PCDH11X: variants seen among roughly 807,000 people sequenced by gnomAD.
The protein encoded by PCDH11X is protocadherin-11 X-linked.
In PCDH11X, 18 loss-of-function variants were observed where a neutral mutation model predicts 53.3. That is an observed-to-expected ratio of 0.34 (90% confidence interval 0.23 to 0.50). The LOEUF is 0.50. Among genes scored for constraint, PCDH11X ranks in the 20% least tolerant of loss-of-function variants. The pLI is 0.98. For synonymous variants in PCDH11X, 279 were observed against 393.3 expected, an observed-to-expected ratio of 0.71 and a Z score of 3.44; for missense variants, 570 against 1,032.4, an observed-to-expected ratio of 0.55 and a Z score of 6.14.
chrX:92,243,256 A>G (rs1449748334), intron 7 of PCDH11X, among the ~76,000 whole-genome samples: 1 of 112,061 alleles, frequency 8.9e-6, no homozygotes, highest in African/African-American at 3.2e-5. Flanking sequence ...TTAATTTTTG[A>G]ATTAAATTTT....
intron 6 of PCDH11X, among the ~76,000 whole-genome samples, chrX:92,199,168 C>T (rs916673188): frequency 3.6e-5 from 4 of 111,779 alleles, no homozygotes; most frequent in African/African-American, 1.3e-4. Flanking sequence ...ATCTCTAACT[C>T]AGGAATAATA....
chrX:92,606,076 A>C (rs1210154545), intron 10 of PCDH11X, among the ~76,000 whole-genome samples: 1 of 108,589 alleles, frequency 9.2e-6, no homozygotes, highest in East Asian at 2.9e-4. Context: ...TACTAAAAAT[A>C]CAAAATTAGC....
chrX:91,900,663 G>A (rs773833352), intron 6 of PCDH11X, among the ~76,000 whole-genome samples: 2 of 109,774 alleles, frequency 1.8e-5, no homozygotes, highest in Admixed American at 9.8e-5. Context: ...GAAATGATGG[G>A]CCTTTGATTA....
At chrX:92,126,274 A>G (rs1196004914) in intron 6 of PCDH11X, among the ~76,000 whole-genome samples, 1 of 111,876 alleles carries the variant, frequency 8.9e-6, no homozygotes, top group African/African-American at 3.3e-5. Context: ...TGTTTAATAC[A>G]TCATGACAGT....
chrX:91,877,840 G>A lies in PCDH11X; in HGVS notation c.1600G>A (p.Asp534Asn), dbSNP rs1302079563. 1.7e-6 allele frequency: 2 copies of A among 1,211,266 alleles called. No homozygotes were observed. The highest frequency in any genetic ancestry group is 1.8e-5 in the South Asian group (1 of 56,946). The stretch of plus-strand genomic sequence containing the variant: ...GAAGAAACTAGATAGAGAAAAAGAG[G>A]ATAAATATTTATTCACAATTCTGGC... Reference protein sequence around the residue: ...VVKKLDREKEDKYLFTILAKD... With the variant: ...VVKKLDREKENKYLFTILAKD... Residue 534 changes from aspartate to asparagine, a missense_variant, in exon 6 of 11, where the codon GAT becomes AAT. Physicochemically the swap from Asp to Asn is conservative, Grantham distance 23. Around this residue, in one of 6 missense-constraint regions of PCDH11X, gnomAD observed 226 missense variants for 457.5 expected, o/e 0.49. Coordinates refer to ENST00000682573, the MANE Select transcript of PCDH11X (RefSeq NM_032968.5).
intron 8 of PCDH11X, among the ~76,000 whole-genome samples, chrX:92,326,849 A>G (rs1316920409): frequency 9.5e-6 from 1 of 105,487 alleles, no homozygotes; most frequent in Non-Finnish European, 1.9e-5. Flanking sequence ...GAATCTCTTT[A>G]AAAAAGAAAA....
chrX:92,437,966 A>G (rs1454015755), intron 9 of PCDH11X, among the ~76,000 whole-genome samples: 2 of 112,140 alleles, frequency 1.8e-5, no homozygotes, highest in African/African-American at 6.5e-5. Context: ...TAATGCACCT[A>G]CTGCTAAGTA....
Position 92,493,305 on chromosome X carries a change from G to T in PCDH11X, c.3367+24983G>T, listed in dbSNP as rs111620451. On this transcript the variant is annotated intron_variant, in intron 10 of 10. Transcript: ENST00000682573. ...GATGAATAAGCCCTAGAGATCTGCT[G>T]TACATTGTGTCTATAGTCAACAATA... Among the ~76,000 whole-genome samples, 5 of 110,847 alleles carry T rather than the reference G, an allele frequency of 4.5e-5. No homozygotes were observed. The Admixed American group carries it at 4.8e-4, about 11-fold the overall frequency.
intron 9 of PCDH11X, among the ~76,000 whole-genome samples, chrX:92,396,509 G>A (rs1477295528): frequency 1.0e-5 from 1 of 96,191 alleles, no homozygotes. Context: ...TGAGATGAAA[G>A]CAGGATAACT....
chrX:92,407,897 GT>G (rs2071557926), intron 9 of PCDH11X, among the ~76,000 whole-genome samples: 1 of 109,134 alleles, frequency 9.2e-6, no homozygotes, highest in African/African-American at 3.3e-5. Flanking sequence ...TCTGTTTTTT[GT>G]TTTTTGAGAC....
chrX:92,313,383 C>T (rs1465366880), intron 8 of PCDH11X, among the ~76,000 whole-genome samples: 1 of 108,262 alleles, frequency 9.2e-6, no homozygotes, highest in Non-Finnish European at 1.9e-5. Flanking sequence ...GACAAACCTA[C>T]ATCTGGCCAA....
intron 6 of PCDH11X, among the ~76,000 whole-genome samples, chrX:92,152,397 A>G (rs2148241689): frequency 9.0e-6 from 1 of 110,773 alleles, no homozygotes; most frequent in Non-Finnish European, 1.9e-5. Flanking sequence ...CTCTTTCCCC[A>G]AATTAAAAAA....
At chrX:91,867,748 A>G (rs1290671310) in intron 5 of PCDH11X, among the ~76,000 whole-genome samples, 2 of 111,250 alleles carry the variant, frequency 1.8e-5, no homozygotes, top group East Asian at 2.8e-4. Context: ...TATCCCGGAT[A>G]CATATCACGA....
chrX:91,997,893 CAT>C (rs988274115), intron 6 of PCDH11X, among the ~76,000 whole-genome samples: 24 of 109,068 alleles, frequency 2.2e-4, no homozygotes, highest in African/African-American at 8.0e-4. Context: ...TCAGCCTCCT[CAT>C]GTGTAATTAA....
chrX:92,542,500 T>C (rs1201923135), intron 10 of PCDH11X, among the ~76,000 whole-genome samples: 2 of 110,825 alleles, frequency 1.8e-5, no homozygotes, highest in Non-Finnish European at 1.9e-5. Context: ...AAAATTATAA[T>C]AAAACCACAT....
Position 91,914,441 on chromosome X carries a change from T to C in PCDH11X, c.3033+35168T>C, listed in dbSNP as rs762542490. ...CAGATAAACACTTCAGAAGGTAGATTATTAAGCTACTCAAGGAGATACCAC... is the reference window on the plus strand; with the variant it reads ...CAGATAAACACTTCAGAAGGTAGATCATTAAGCTACTCAAGGAGATACCAC... On this transcript the variant is annotated intron_variant, in intron 6 of 10. Coordinates refer to ENST00000682573, the MANE Select transcript of PCDH11X (RefSeq NM_032968.5). Among the ~76,000 whole-genome samples, 6 of 111,339 alleles carry C rather than the reference T, an allele frequency of 5.4e-5. No homozygotes were observed. The South Asian group carries it at 1.1e-3, about 21-fold the overall frequency.
chrX:92,103,099 G>A (rs1161852811), intron 6 of PCDH11X, among the ~76,000 whole-genome samples: 1 of 110,442 alleles, frequency 9.1e-6, no homozygotes, highest in Non-Finnish European at 1.9e-5. Context: ...TTAAGGTGGG[G>A]GGATATGAGA....
chrX:92,330,137 TA>T (rs1255064490), intron 8 of PCDH11X, among the ~76,000 whole-genome samples: 5 of 108,432 alleles, frequency 4.6e-5, no homozygotes, highest in South Asian at 3.9e-4. Context: ...ATTAAAAATT[TA>T]AAAAAAAACT....
chrX:91,795,399 A>G (rs1358648201), intron 1 of PCDH11X, among the ~76,000 whole-genome samples: 1 of 110,462 alleles, frequency 9.1e-6, no homozygotes, highest in Non-Finnish European at 1.9e-5. Flanking sequence ...TCACCACAGT[A>G]AAAGGGCTTA....
Sources: gnomAD v4.1 joint callset for allele counts (sites outside exome capture counted in the v4.1 genomes callset) on GRCh38, gnomAD v4.1.1 for gene constraint, gnomAD v4.1.1 regional missense constraint, MANE v1.5 for transcripts, NCBI Gene and HGNC (gene_info 2026-07-23, HGNC 2026-07-21) for gene names.